The following SLC44A3 variants were observed in gnomAD, a reference collection of about 807,000 sequenced individuals.
SLC44A3 encodes solute carrier family 44 member 3, also known as choline transporter-like protein 3.
In SLC44A3, 74 loss-of-function variants were observed where a neutral mutation model predicts 75.4. That is an observed-to-expected ratio of 0.98 (90% CI 0.81 to 1.19). SLC44A3 has a LOEUF of 1.19. Ranked by LOEUF, SLC44A3 falls within the 50% of genes most tolerant of loss-of-function variation. SLC44A3 has a pLI of 0.00. For synonymous variants in SLC44A3, 310 were observed against 296.9 expected, an observed-to-expected ratio of 1.04 and a Z score of -0.45; for missense variants, 700 against 778.6, an observed-to-expected ratio of 0.90 and a Z score of 1.20.
chr1:94,894,983 G>T lies in SLC44A3; in HGVS notation c.*61G>T. 1 of 1,320,268 alleles carries T rather than the reference G, an allele frequency of 7.6e-7. No individual in the cohort carries two copies. The highest frequency in any genetic ancestry group is 1.1e-6 in the Non-Finnish European group (1 of 946,730). The allele number at this position is 1,320,268 out of a possible 1,614,324, so 81.8% of individuals were successfully genotyped here. On this transcript the variant is annotated 3_prime_UTR_variant, in exon 15 of 15. Transcript: ENST00000271227. ...CCTTCTAAGAGCCATTTACAGAATA[G>T]AAGATGAGACCACTAGAGAAAAGTT...
chr1:94,893,816 C>T (rs1226443334), intron 14 of SLC44A3, among the ~76,000 whole-genome samples: 1 of 151,714 alleles, frequency 6.6e-6, no homozygotes, highest in Admixed American at 6.6e-5. Flanking sequence ...CCTTGAAATC[C>T]GGGCACTATG....
chr1:94,850,825 C>T (rs1188731911), intron 9 of SLC44A3, among the ~76,000 whole-genome samples: 1 of 152,142 alleles, frequency 6.6e-6, no homozygotes, highest in African/African-American at 2.4e-5. Context: ...TTATTCTTTG[C>T]TTTCTCTGGC....
intron 4 of SLC44A3, 79 bp downstream of exon 4, chr1:94,827,722 A>G: frequency 6.7e-7 from 1 of 1,493,720 alleles, no homozygotes; most frequent in Non-Finnish European, 9.0e-7. Flanking sequence ...ATTTACCCTG[A>G]CTCTGCTTTC....
At chr1:94,842,430 C>T (rs112177682) in intron 8 of SLC44A3, among the ~76,000 whole-genome samples, 138 of 152,342 alleles carry the variant, frequency 9.1e-4, no homozygotes, top group African/African-American at 3.1e-3. Context: ...GGCAGGCTTA[C>T]GGCAGTTCCC....
At chr1:94,837,623 T>C in intron 5 of SLC44A3, 88 bp from the exon 6 acceptor site, 1 of 1,343,356 alleles carries the variant, frequency 7.4e-7, no homozygotes, top group Non-Finnish European at 9.9e-7. Context: ...TTCTTAAGCT[T>C]TTTTGGTTAT....
At chr1:94,820,683 G>C (rs1237919975) in intron 1 of SLC44A3, 1 of 1,377,732 alleles carries the variant, frequency 7.3e-7, no homozygotes. Context: ...GACGCGGGCC[G>C]CGGGGCGCAA....
In SLC44A3 at chr1:94,832,488, A is replaced by T. The variant is rs1662256142; in HGVS notation, c.509+3902A>T. On this transcript the variant is annotated intron_variant, in intron 5 of 14. Transcript: ENST00000271227. ...TATAACCATTATTACATCAAGCATGACTTACAGGATGTAGTCAGAAAGCAA... is the reference window on the plus strand; with the variant it reads ...TATAACCATTATTACATCAAGCATGTCTTACAGGATGTAGTCAGAAAGCAA... 2.6e-5 allele frequency among the ~76,000 whole-genome samples: 4 copies of T among 152,364 alleles called. No homozygotes were observed. In the South Asian group the frequency reaches 8.3e-4, roughly 32 times the overall value.
intron 12 of SLC44A3, among the ~76,000 whole-genome samples, chr1:94,873,562 G>A (rs1667982258): frequency 6.6e-6 from 1 of 152,162 alleles, no homozygotes; most frequent in Admixed American, 6.5e-5. Flanking sequence ...TGAACATAAT[G>A]TTGGTCTCTG....
At chr1:94,841,651 A>AGT (rs1663660896) in intron 7 of SLC44A3, among the ~76,000 whole-genome samples, 1 of 152,216 alleles carries the variant, frequency 6.6e-6, no homozygotes, top group South Asian at 2.1e-4. Context: ...ACATTTAGAC[A>AGT]GTGAGCTCTG....
At chr1:94,889,805 A>T (rs1670005424) in intron 12 of SLC44A3, among the ~76,000 whole-genome samples, 1 of 152,130 alleles carries the variant, frequency 6.6e-6, no homozygotes, top group African/African-American at 2.4e-5. Flanking sequence ...AAAAAGCCAG[A>T]TATATAATCA....
chr1:94,877,113 T>A (rs1668374106), intron 12 of SLC44A3, among the ~76,000 whole-genome samples: 1 of 136,156 alleles, frequency 7.3e-6, no homozygotes, highest in Non-Finnish European at 1.7e-5. Flanking sequence ...GCCTTGCCAC[T>A]TCTCCAAGCT....
intron 12 of SLC44A3, among the ~76,000 whole-genome samples, chr1:94,869,317 AG>A (rs1667507253): frequency 6.6e-6 from 1 of 152,350 alleles, no homozygotes; most frequent in Admixed American, 6.5e-5. Context: ...TCCTTTTAAA[AG>A]CTGTGTCAAT....
chr1:94,840,228 A>G (rs1663400223), intron 7 of SLC44A3, among the ~76,000 whole-genome samples, 191 bp downstream of exon 7: 1 of 151,870 alleles, frequency 6.6e-6, no homozygotes, highest in Non-Finnish European at 1.5e-5. Context: ...CAGACAGTGC[A>G]AAGTTAATGA....
chr1:94,882,147 C>G (rs1430779303), intron 12 of SLC44A3, among the ~76,000 whole-genome samples: 3 of 152,220 alleles, frequency 2.0e-5, no homozygotes, highest in Admixed American at 6.5e-5. Context: ...TTTATCTTCT[C>G]TAGGACTCTG....
chr1:94,827,362 A>C, intron 3 of SLC44A3, 145 bp from the exon 4 acceptor site: 1 of 1,027,234 alleles, frequency 9.7e-7, no homozygotes, highest in South Asian at 1.5e-5. Flanking sequence ...AGGCATCATA[A>C]ATGTTCAATT....
chr1:94,843,779 C>T (rs1180004689), intron 8 of SLC44A3, among the ~76,000 whole-genome samples: 3 of 144,488 alleles, frequency 2.1e-5, no homozygotes, highest in Non-Finnish European at 4.5e-5. Context: ...ACTGGGGTGC[C>T]GTAGATGGAT....
intron 2 of SLC44A3, 46 bp downstream of exon 2, chr1:94,821,102 C>T (rs6676991): frequency 1.4e-6 from 2 of 1,460,462 alleles, no homozygotes; most frequent in Non-Finnish European, 1.9e-6. Flanking sequence ...TGTGTGTGCA[C>T]GTCTGGAAAT....
rs1661678436 is a variant in SLC44A3 at position 94,828,483 on chromosome 1, C to T, written c.416-10C>T. Reference sequence around the variant, plus strand: ...AAAGAAGGTATAATGTCTGTGTGTTCTGCTTCCAGGGTCCTTCCTGTGTGT... The same window carrying T: ...AAAGAAGGTATAATGTCTGTGTGTTTTGCTTCCAGGGTCCTTCCTGTGTGT... On this transcript the variant is annotated splice_polypyrimidine_tract_variant and intron_variant, in intron 4 of 14. Transcript: ENST00000271227. 2 of 1,611,216 alleles carry T rather than the reference C, an allele frequency of 1.2e-6. No homozygotes were observed. Among genetic ancestry groups the T allele is most frequent in the Non-Finnish European group, 1.7e-6 (2 of 1,178,276 alleles).
chr1:94,829,559 G>A (rs908973033), intron 5 of SLC44A3, among the ~76,000 whole-genome samples: 2 of 152,176 alleles, frequency 1.3e-5, no homozygotes, highest in South Asian at 2.1e-4. Context: ...ATGATGGAAC[G>A]GTGGTTGCAT....
Sources: gnomAD v4.1 joint callset for allele counts (sites outside exome capture counted in the v4.1 genomes callset) on GRCh38, gnomAD v4.1.1 for gene constraint, MANE v1.5 for transcripts, NCBI Gene and HGNC (gene_info 2026-07-23, HGNC 2026-07-21) for gene names.